PAXIP1: variants seen among roughly 807,000 people sequenced by gnomAD.
PAXIP1 encodes the protein PAX-interacting protein 1.
In PAXIP1, 19 loss-of-function variants were observed where a neutral mutation model predicts 140.6. The observed-to-expected ratio is 0.14, with a 90% CI of 0.09 to 0.20. The LOEUF (loss-of-function observed/expected upper bound fraction) is 0.20. Among genes scored for constraint, PAXIP1 ranks in the 10% least tolerant of loss-of-function variants. The pLI is 1.00. For missense variants in PAXIP1, 920 were observed against 1,208.6 expected (o/e 0.76, Z 3.54); for synonymous variants, 442 against 444.6 (o/e 0.99, Z 0.07).
At chr7:154,984,889 A>T (rs1810000211) in intron 4 of PAXIP1, among the ~76,000 whole-genome samples, 1 of 152,178 alleles carries the variant, frequency 6.6e-6, no homozygotes, top group Non-Finnish European at 1.5e-5. Context: ...ATCTAGTCCT[A>T]TACCCTATTT....
At chr7:154,987,183 C>T (rs1017724502) in intron 4 of PAXIP1, among the ~76,000 whole-genome samples, 1 of 152,180 alleles carries the variant, frequency 6.6e-6, no homozygotes, top group Non-Finnish European at 1.5e-5. Context: ...TCTACTTAGA[C>T]CCCTTAGCCT....
intron 1 of PAXIP1, 55 bp from the exon 2 acceptor site, chr7:154,998,839 T>A: frequency 6.9e-7 from 1 of 1,452,668 alleles, no homozygotes; most frequent in Non-Finnish European, 9.5e-7. Flanking sequence ...TACTGTACTC[T>A]TGAATTACAG....
chr7:154,992,509 C>T lies in PAXIP1; in HGVS notation c.260+1217G>A, dbSNP rs1810386181. Among the ~76,000 whole-genome samples the T allele has an allele frequency of 2.0e-5, 3 of 151,692 alleles. No homozygotes were observed. In the South Asian group the frequency reaches 6.2e-4, roughly 32 times the overall value. On this transcript the variant is annotated intron_variant, in intron 3 of 20. Coordinates refer to ENST00000404141, the MANE Select transcript of PAXIP1 (RefSeq NM_007349.4). ...ACTCAGGAGGCTGAGGCAGGAGAAT[C>T]GCTTGAACCCAGGAGGCAGAAGTTA...
intron 6 of PAXIP1, among the ~76,000 whole-genome samples, chr7:154,969,447 C>A (rs1478237198): frequency 6.6e-6 from 1 of 152,242 alleles, no homozygotes; most frequent in South Asian, 2.1e-4. Context: ...GAGTCCTGTG[C>A]ACACCTGGTA....
Position 154,963,425 on chromosome 7 carries a change from C to T in PAXIP1, c.1989+246G>A, listed in dbSNP as rs985317872. Reference sequence around the variant, plus strand: ...GCCTGACCTCGTGACCCGTCCACCTCGGCCTCCTGTCCGCCCTTTCTTAAC... The same window carrying T: ...GCCTGACCTCGTGACCCGTCCACCTTGGCCTCCTGTCCGCCCTTTCTTAAC... On this transcript the variant is annotated intron_variant, in intron 9 of 20. Coordinates refer to ENST00000404141, the MANE Select transcript of PAXIP1 (RefSeq NM_007349.4). The surrounding 1 kb of genome is among the most constrained non-coding windows in gnomAD (Gnocchi z 4.1). Among the ~76,000 whole-genome samples, 6 of 151,960 alleles carry T rather than the reference C, an allele frequency of 3.9e-5. No homozygotes were observed. The highest frequency in any genetic ancestry group is 2.1e-4 in the South Asian group (1 of 4,810).
At chr7:154,961,734 C>G in intron 10 of PAXIP1, 86 bp from the exon 11 acceptor site, 1 of 1,133,086 alleles carries the variant, frequency 8.8e-7, no homozygotes, top group Non-Finnish European at 1.2e-6. Flanking sequence ...TTAGTTGATA[C>G]ATATTTTTTC....
intron 14 of PAXIP1, 116 bp downstream of exon 14, chr7:154,957,108 C>G (rs1051793530): frequency 3.6e-6 from 2 of 561,590 alleles, no homozygotes; most frequent in Non-Finnish European, 6.4e-6. Flanking sequence ...AAAAAGCAAA[C>G]TCTTTCAAAT....
intron 4 of PAXIP1, among the ~76,000 whole-genome samples, chr7:154,990,785 T>C (rs1382734191): frequency 6.6e-6 from 1 of 152,188 alleles, no homozygotes; most frequent in Non-Finnish European, 1.5e-5. Context: ...GTTTTAAATC[T>C]TTTTTATTTA....
intron 2 of PAXIP1, among the ~76,000 whole-genome samples, chr7:154,998,123 T>TCTAC (rs1810724726): frequency 6.6e-6 from 1 of 152,192 alleles, no homozygotes; most frequent in African/African-American, 2.4e-5. Flanking sequence ...GAAGCCATGC[T>TCTAC]CTACCTTGGT....
At chr7:154,971,018 G>C (rs1473844365) in intron 6 of PAXIP1, among the ~76,000 whole-genome samples, 1 of 152,194 alleles carries the variant, frequency 6.6e-6, no homozygotes, top group Non-Finnish European at 1.5e-5. Flanking sequence ...AGCCCAGGTG[G>C]AAGGGAGCTC....
At chr7:154,981,980 C>T (rs150181298) in intron 5 of PAXIP1, among the ~76,000 whole-genome samples, 7 of 152,252 alleles carry the variant, frequency 4.6e-5, no homozygotes, top group African/African-American at 1.2e-4. Flanking sequence ...TTCAAAACCG[C>T]TTTGACAAAC....
rs1211414907 is a variant in PAXIP1 at position 154,944,004 on chromosome 7, A to G, written c.*145T>C. 5.4e-6 allele frequency: 4 copies of G among 737,570 alleles called. No individual in the cohort carries two copies. The highest frequency in any genetic ancestry group is 9.8e-6 in the Non-Finnish European group (4 of 406,306). 45.7% of individuals were successfully genotyped at this position (737,570 alleles called of 1,614,324 possible). ...CTTAAAAAGATGCAGTATATTTATT[A>G]TATCTGTCTTCCTGCTTCACAGTCT... On this transcript the variant is annotated 3_prime_UTR_variant, in exon 21 of 21. Coordinates refer to ENST00000404141, the MANE Select transcript of PAXIP1 (RefSeq NM_007349.4).
chr7:154,968,041 A>G, intron 7 of PAXIP1, 131 bp from the exon 8 acceptor site: 1 of 623,566 alleles, frequency 1.6e-6, no homozygotes, highest in Non-Finnish European at 2.8e-6. Context: ...ATCTGCCAGT[A>G]ATCAGAGTGC....
At position 154,946,828 on chromosome 7, in the gene PAXIP1, A is replaced by G; in HGVS notation, c.2923-15T>C. On this transcript the variant is annotated splice_polypyrimidine_tract_variant and intron_variant, in intron 17 of 20. Coordinates refer to ENST00000404141, the MANE Select transcript of PAXIP1 (RefSeq NM_007349.4). This position sits in a 1 kb window ranked among gnomAD's most constrained non-coding sequence, Gnocchi z 4.9. ...AAATATTTTGCCTAAAATTAAATGA[A>G]AATATATGTATTATGTTCTTAAAAT... The G allele has an allele frequency of 2.6e-6, 4 of 1,515,808 alleles. No homozygotes were observed. Among genetic ancestry groups the G allele is most frequent in the Non-Finnish European group, 3.6e-6 (4 of 1,110,784 alleles). 93.9% of individuals were successfully genotyped at this position (1,515,808 alleles called of 1,614,324 possible). A position where few individuals can be genotyped will look rare whatever the true frequency, so the allele number is the denominator to read the frequency against.
chr7:154,972,013 C>T (rs539814754), intron 6 of PAXIP1, among the ~76,000 whole-genome samples: 2 of 152,148 alleles, frequency 1.3e-5, no homozygotes, highest in Non-Finnish European at 2.9e-5. Context: ...AGTTTTCCAC[C>T]GCTAGAGCAC....
intron 13 of PAXIP1, among the ~76,000 whole-genome samples, chr7:154,958,663 T>C (rs1029040497): frequency 6.6e-6 from 1 of 152,108 alleles, no homozygotes; most frequent in Non-Finnish European, 1.5e-5. Flanking sequence ...TAGAAACAAA[T>C]GGTGGGATAG....
intron 11 of PAXIP1, 94 bp from the exon 12 acceptor site, chr7:154,961,171 A>T (rs1034591647): frequency 2.9e-6 from 3 of 1,050,332 alleles, no homozygotes; most frequent in Non-Finnish European, 4.0e-6. Context: ...GCAATAAAAA[A>T]TTTCTCATAA....
At position 154,946,733 on chromosome 7, in the gene PAXIP1, C is replaced by T. The variant is rs1563358049; in HGVS notation, c.3003G>A (p.Lys1001=). The T allele has an allele frequency of 6.2e-7, 1 of 1,613,560 alleles. No individual in the cohort carries two copies. The highest frequency in any genetic ancestry group is 2.2e-5 in the East Asian group (1 of 44,858). The change falls in exon 18 of 21, where the codon AAG becomes AAA. Residue 1001 remains lysine, a synonymous_variant. Transcript: ENST00000404141. The surrounding 1 kb of genome is among the most constrained non-coding windows in gnomAD (Gnocchi z 4.9). ...MKAIVECAGG[K]VLSKQPSFRK... Reference sequence around the variant, plus strand: ...GGAAAGATGGCTGCTTGGATAACACCTTTCCTCCTGCACACTCTACGATTG... The same window carrying T: ...GGAAAGATGGCTGCTTGGATAACACTTTTCCTCCTGCACACTCTACGATTG...
rs1811011051 is a variant in PAXIP1, at chr7:155,003,079, CCCGCCCT to C, written c.-157_-151del. ...GGTCCTGCGAATCGGGGTCCGCTCC[CCCGCCCT>C]CCGCGCCCCCGCCCGCGCCCGCGCC... On this transcript the variant is annotated 5_prime_UTR_variant, in exon 1 of 21. Transcript: ENST00000404141. 1 of 198,902 alleles carries C rather than the reference CCCGCCCT, an allele frequency of 5.0e-6. No homozygotes were observed. Among genetic ancestry groups the C allele is most frequent in the African/African-American group, 2.4e-5 (1 of 41,836 alleles). The allele number at this position is 198,902 out of a possible 1,614,324, so 12.3% of individuals were successfully genotyped here.
Sources: allele counts gnomAD v4.1 joint callset (sites outside exome capture counted in the v4.1 genomes callset), GRCh38; gene constraint gnomAD v4.1.1; non-coding constraint Gnocchi (gnomAD v3.1); transcripts MANE v1.5; gene names NCBI Gene and HGNC (gene_info 2026-07-23, HGNC 2026-07-21).